The following MGAT4A variants were observed in gnomAD, a reference collection of about 807,000 sequenced individuals.
MGAT4A encodes alpha-1,3-mannosyl-glycoprotein 4-beta-N-acetylglucosaminyltransferase A.
A neutral mutation model predicts 74.1 loss-of-function variants in MGAT4A; 33 were observed. The observed-to-expected ratio is 0.45, with a 90% CI of 0.34 to 0.60. The LOEUF (loss-of-function observed/expected upper bound fraction) is 0.60. Ranked by LOEUF, MGAT4A falls within the 20% of genes least tolerant of loss-of-function variation. The pLI is 0.02. For missense variants in MGAT4A, 479 were observed against 628.3 expected (o/e 0.76, Z 2.54); for synonymous variants, 198 against 210.4 (o/e 0.94, Z 0.51).
At chr2:98,700,416 T>C (rs2104313251) in intron 2 of MGAT4A, among the ~76,000 whole-genome samples, 1 of 150,062 alleles carries the variant, frequency 6.7e-6, no homozygotes, top group South Asian at 2.1e-4. Context: ...TTAGTATATA[T>C]TGCATTATCT....
At chr2:98,675,246 GT>G in intron 3 of MGAT4A, 71 bp from the exon 4 acceptor site, 1 of 1,153,526 alleles carries the variant, frequency 8.7e-7, no homozygotes, top group Non-Finnish European at 1.2e-6. Context: ...AAAACCAGCA[GT>G]AAAAATTAAT....
Position 98,622,498 on chromosome 2 carries a change from G to C in MGAT4A, c.*3068C>G. Reference sequence around the variant, plus strand: ...ATTTACTATTTTGGTAAAATGATTCGGCGCCCTCTCAAGGCAAAGTATTTA... The same window carrying C: ...ATTTACTATTTTGGTAAAATGATTCCGCGCCCTCTCAAGGCAAAGTATTTA... On this transcript the variant is annotated 3_prime_UTR_variant, in exon 16 of 16. Coordinates refer to ENST00000393487, the MANE Select transcript of MGAT4A (RefSeq NM_012214.3). 1.0e-6 allele frequency: 1 copy of C among 985,312 alleles called. No individual in the cohort carries two copies. The highest frequency in any genetic ancestry group is 1.2e-6 in the Non-Finnish European group (1 of 829,930). 61.0% of individuals were successfully genotyped at this position (985,312 alleles called of 1,614,324 possible). A position where few individuals can be genotyped will look rare whatever the true frequency, so the allele number is the denominator to read the frequency against.
In MGAT4A at chr2:98,643,851, A is replaced by C. The variant is rs1701448118; in HGVS notation, c.1020+72T>G. Reference sequence around the variant, plus strand: ...CCTACCTATTTAACTATTTATTTGCAAAATCTCTAAAAGTCACTTTCACGA... The same window carrying C: ...CCTACCTATTTAACTATTTATTTGCCAAATCTCTAAAAGTCACTTTCACGA... On this transcript the variant is annotated intron_variant, in intron 10 of 15. Transcript: ENST00000393487. The C allele has an allele frequency of 4.4e-6, 6 of 1,363,406 alleles. No individual in the cohort carries two copies. The East Asian group carries it at 1.6e-4, about 35-fold the overall frequency. The allele number at this position is 1,363,406 out of a possible 1,614,324, so 84.5% of individuals were successfully genotyped here.
At chr2:98,659,344 G>C (rs1235468558) in intron 5 of MGAT4A, among the ~76,000 whole-genome samples, 1 of 152,154 alleles carries the variant, frequency 6.6e-6, no homozygotes, top group South Asian at 2.1e-4. Flanking sequence ...TTTCTCCGGT[G>C]TGTGTGTCCA....
In MGAT4A at chr2:98,717,182, A is replaced by C. The variant is rs1226352633; in HGVS notation, c.94+9057T>G. On this transcript the variant is annotated intron_variant, in intron 2 of 15. Coordinates refer to ENST00000393487, the MANE Select transcript of MGAT4A (RefSeq NM_012214.3). Reference sequence around the variant, plus strand: ...ATCACCTGAGGTCAGGAGTTTGAGAACAGCCTGGCCAACATGGTGAAACCC... The same window carrying C: ...ATCACCTGAGGTCAGGAGTTTGAGACCAGCCTGGCCAACATGGTGAAACCC... 8.5e-5 allele frequency among the ~76,000 whole-genome samples: 13 copies of C among 152,148 alleles called. No homozygotes were observed. The East Asian group carries it at 2.5e-3, about 29-fold the overall frequency.
chr2:98,651,161 A>C (rs1469340923), intron 8 of MGAT4A, among the ~76,000 whole-genome samples: 3 of 152,216 alleles, frequency 2.0e-5, no homozygotes, highest in Admixed American at 2.0e-4. Context: ...CTACTGCTGA[A>C]GGAACATTTT....
At chr2:98,724,995 A>C (rs1011086468) in intron 2 of MGAT4A, among the ~76,000 whole-genome samples, 1 of 152,202 alleles carries the variant, frequency 6.6e-6, no homozygotes, top group African/African-American at 2.4e-5. Context: ...GAATTGCCTG[A>C]ATCCAGGAGG....
At chr2:98,716,930 A>C (rs1282352518) in intron 2 of MGAT4A, among the ~76,000 whole-genome samples, 2 of 152,206 alleles carry the variant, frequency 1.3e-5, no homozygotes, top group African/African-American at 4.8e-5. Flanking sequence ...GTATATGTTC[A>C]GTACAGACAC....
chr2:98,708,417 C>A (rs1702470578), intron 2 of MGAT4A, among the ~76,000 whole-genome samples: 1 of 152,080 alleles, frequency 6.6e-6, no homozygotes, highest in Admixed American at 6.5e-5. Context: ...CCCTCCTCTG[C>A]ATCAAAACAA....
intron 2 of MGAT4A, among the ~76,000 whole-genome samples, chr2:98,705,552 T>C (rs1412251578): frequency 2.0e-5 from 3 of 152,188 alleles, no homozygotes; most frequent in South Asian, 2.1e-4. Flanking sequence ...AATCATATGA[T>C]CACCCTAGCT....
rs1209912156 is a variant in MGAT4A, at chr2:98,622,950, C to T, written c.*2616G>A. The stretch of plus-strand genomic sequence containing the variant: ...AGGAGGATTGCTTGAGGCCAGAGAT[C>T]GAGGCTGCAGTGAGCTATGAGAGCA... On this transcript the variant is annotated 3_prime_UTR_variant, in exon 16 of 16. Transcript: ENST00000393487. 4 of 982,544 alleles carry T rather than the reference C, an allele frequency of 4.1e-6. No homozygotes were observed. Among genetic ancestry groups the T allele is most frequent in the Non-Finnish European group, 3.6e-6 (3 of 827,492 alleles). 60.9% of individuals were successfully genotyped at this position (982,544 alleles called of 1,614,324 possible).
chr2:98,623,234 G>T lies in MGAT4A; in HGVS notation c.*2332C>A. 1 of 985,426 alleles carries T rather than the reference G, an allele frequency of 1.0e-6. No homozygotes were observed. Among genetic ancestry groups the T allele is most frequent in the Non-Finnish European group, 1.2e-6 (1 of 829,936 alleles). 61.0% of individuals were successfully genotyped at this position (985,426 alleles called of 1,614,324 possible). On this transcript the variant is annotated 3_prime_UTR_variant, in exon 16 of 16. Coordinates refer to ENST00000393487, the MANE Select transcript of MGAT4A (RefSeq NM_012214.3). Reference sequence around the variant, plus strand: ...AAGAATGAGTTTCTTGGGAACAACAGGTGGACCAATGCTGGGAGGGCAAAC... The same window carrying T: ...AAGAATGAGTTTCTTGGGAACAACATGTGGACCAATGCTGGGAGGGCAAAC...
chr2:98,711,121 A>C (rs1041294404), intron 2 of MGAT4A, among the ~76,000 whole-genome samples: 1 of 152,182 alleles, frequency 6.6e-6, no homozygotes, highest in African/African-American at 2.4e-5. Flanking sequence ...TTAAGTTTGC[A>C]ATCTCTCTAC....
In MGAT4A at chr2:98,620,025, C is replaced by T. The variant is rs1318354459; in HGVS notation, c.*5541G>A. ...CTTCTAAATTCTCAGCTCAGATGCACCCTGGAGTGCCAGCTTGCTCCTTCC... is the reference window on the plus strand; with the variant it reads ...CTTCTAAATTCTCAGCTCAGATGCATCCTGGAGTGCCAGCTTGCTCCTTCC... On this transcript the variant is annotated 3_prime_UTR_variant, in exon 16 of 16. Coordinates refer to ENST00000393487, the MANE Select transcript of MGAT4A (RefSeq NM_012214.3). The T allele has an allele frequency of 3.9e-5, 6 of 152,178 alleles. No individual in the cohort carries two copies. Among genetic ancestry groups the T allele is most frequent in the Non-Finnish European group, 5.9e-5 (4 of 68,046 alleles). 9.4% of individuals were successfully genotyped at this position (152,178 alleles called of 1,614,324 possible). A position where few individuals can be genotyped will look rare whatever the true frequency, so the allele number is the denominator to read the frequency against.
intron 2 of MGAT4A, among the ~76,000 whole-genome samples, chr2:98,693,307 A>G (rs182517383): frequency 1.3e-5 from 2 of 152,308 alleles, no homozygotes; most frequent in African/African-American, 2.4e-5. Context: ...AAGAATGGCT[A>G]AAGGAAGTTC....
intron 4 of MGAT4A, among the ~76,000 whole-genome samples, chr2:98,672,254 G>A (rs1441393198): frequency 5.9e-5 from 9 of 152,070 alleles, no homozygotes; most frequent in Admixed American, 1.3e-4. Flanking sequence ...CCTTTACATC[G>A]GTAATTAAAG....
rs75457124 is a variant in MGAT4A, at chr2:98,729,504, G to A, written c.-236+1544C>T. 9.0e-3 allele frequency among the ~76,000 whole-genome samples: 1,374 copies of A among 152,144 alleles called. 22 individuals are homozygous for A. The highest frequency in any genetic ancestry group is 0.065 in the South Asian group (314 of 4,818). On this transcript the variant is annotated intron_variant, in intron 1 of 15. Transcript: ENST00000393487. ...TTAATCTAGCCCCTTAATATTCTCG[G>A]AGACTATAATCTAACACGTTTGAAT...
At chr2:98,660,765 T>C (rs1166801731) in intron 5 of MGAT4A, among the ~76,000 whole-genome samples, 1 of 152,038 alleles carries the variant, frequency 6.6e-6, no homozygotes, top group African/African-American at 2.4e-5. Context: ...ACGTGAAATA[T>C]ACAAATAAAC....
chr2:98,670,790 G>C lies in MGAT4A; in HGVS notation c.403+4245C>G, dbSNP rs138247627. ...AAATTAACTGCTGGAAAACCTTCAA[G>C]TCTCAGTCCTAGGCCCTAGGAGATC... On this transcript the variant is annotated intron_variant, in intron 4 of 15. Transcript: ENST00000393487. 2.4e-3 allele frequency among the ~76,000 whole-genome samples: 367 copies of C among 152,054 alleles called. 2 individuals are homozygous for C. Among genetic ancestry groups the C allele is most frequent in the African/African-American group, 8.5e-3 (352 of 41,456 alleles).
Sources: allele counts gnomAD v4.1 joint callset (sites outside exome capture counted in the v4.1 genomes callset), GRCh38; gene constraint gnomAD v4.1.1; transcripts MANE v1.5; gene names NCBI Gene and HGNC (gene_info 2026-07-23, HGNC 2026-07-21).